ADGRL3: variants seen among roughly 807,000 people sequenced by gnomAD.
The protein encoded by ADGRL3 is calcium-independent alpha-latrotoxin receptor 3.
ADGRL3 carries 62 observed loss-of-function variants against 153.5 expected under a neutral mutation model. That is an observed-to-expected ratio of 0.40 (90% CI 0.33 to 0.50). The LOEUF is 0.50. Ranked by LOEUF, ADGRL3 falls within the 20% of genes least tolerant of loss-of-function variation. The pLI, the probability that ADGRL3 is intolerant of heterozygous loss-of-function variation, is 0.47. For missense variants in ADGRL3, 1,641 were observed against 1,859.4 expected (o/e 0.88, Z 2.16); for synonymous variants, 710 against 672.5 (o/e 1.06, Z -0.86).
intron 9 of ADGRL3, among the ~76,000 whole-genome samples, chr4:61,817,181 T>G (rs553338444): frequency 2.3e-3 from 308 of 131,890 alleles, no homozygotes; most frequent in African/African-American, 8.4e-3. Context: ...ATGAAAACCC[T>G]GGGCACCATG....
At chr4:61,379,059 A>G (rs2096637654) in intron 1 of ADGRL3, among the ~76,000 whole-genome samples, 1 of 152,026 alleles carries the variant, frequency 6.6e-6, no homozygotes, top group East Asian at 1.9e-4. Flanking sequence ...GGATTATGAT[A>G]TTGGAAATAG....
chr4:61,347,245 A>T (rs112104299), intron 1 of ADGRL3, among the ~76,000 whole-genome samples: 4,540 of 151,806 alleles, frequency 0.03, 204 homozygotes, highest in African/African-American at 0.1. Flanking sequence ...CTTTAGGAAA[A>T]TTTTTAAAAA....
chr4:61,511,326 G>A (rs574609591), intron 3 of ADGRL3, among the ~76,000 whole-genome samples: 11 of 152,238 alleles, frequency 7.2e-5, no homozygotes, highest in East Asian at 1.9e-4. Context: ...CCGAGATCAC[G>A]TGCCACTGCA....
At chr4:61,632,028 T>A (rs1437308748) in intron 5 of ADGRL3, among the ~76,000 whole-genome samples, 4 of 152,188 alleles carry the variant, frequency 2.6e-5, no homozygotes, top group African/African-American at 9.7e-5. Context: ...ATAAGAGAAC[T>A]ATCAAACAGT....
chr4:61,835,112 C>T (rs1208960972), intron 9 of ADGRL3, among the ~76,000 whole-genome samples: 1 of 151,860 alleles, frequency 6.6e-6, no homozygotes, highest in Non-Finnish European at 1.5e-5. Flanking sequence ...TTTGATAACC[C>T]CAAAACTTAA....
intron 9 of ADGRL3, among the ~76,000 whole-genome samples, chr4:61,862,900 G>T (rs941617777): frequency 1.3e-5 from 2 of 152,124 alleles, no homozygotes; most frequent in African/African-American, 4.8e-5. Context: ...GATTTTGAGG[G>T]GGTGGGGGTG....
intron 17 of ADGRL3, among the ~76,000 whole-genome samples, chr4:61,953,727 A>G (rs982618852): frequency 6.6e-6 from 1 of 152,186 alleles, no homozygotes; most frequent in African/African-American, 2.4e-5. Flanking sequence ...TTAGAGACAT[A>G]GGGGAAGATC....
chr4:61,520,965 C>T (rs762008504), intron 4 of ADGRL3, among the ~76,000 whole-genome samples: 3 of 152,064 alleles, frequency 2.0e-5, no homozygotes, highest in Admixed American at 6.6e-5. Flanking sequence ...CTTGCCTTCT[C>T]GCCTCTTAGT....
rs533771767 is a variant in ADGRL3 at position 62,077,752 on chromosome 4, T to G, written c.*6844T>G. 2 of 152,066 alleles carry G rather than the reference T, an allele frequency of 1.3e-5. No individual in the cohort carries two copies. Among genetic ancestry groups the G allele is most frequent in the South Asian group, 4.1e-4 (2 of 4,828 alleles). The allele number at this position is 152,066 out of a possible 1,614,324, so 9.4% of individuals were successfully genotyped here. ...ATGAGAAAAAAACATTTAAATTTGG[T>G]TTTCATGACTCATTTGAGAATAAAG... On this transcript the variant is annotated 3_prime_UTR_variant, in exon 27 of 27. Transcript: ENST00000683033.
intron 2 of ADGRL3, among the ~76,000 whole-genome samples, chr4:61,395,391 T>C (rs1291523922): frequency 6.6e-6 from 1 of 152,038 alleles, no homozygotes; most frequent in African/African-American, 2.4e-5. Flanking sequence ...CACATTGTGC[T>C]AATGCTAATT....
intron 25 of ADGRL3, among the ~76,000 whole-genome samples, chr4:62,060,627 A>G (rs1425084525): frequency 6.6e-6 from 1 of 151,932 alleles, no homozygotes. Flanking sequence ...TTTACAGATA[A>G]TTTGGTTTTC....
chr4:61,426,187 A>G (rs1381737799), intron 2 of ADGRL3, among the ~76,000 whole-genome samples: 2 of 152,232 alleles, frequency 1.3e-5, no homozygotes, highest in Non-Finnish European at 2.9e-5. Flanking sequence ...TTGGTGACCA[A>G]CTAGCCAATT....
chr4:61,751,988 G>A (rs1031300396), intron 8 of ADGRL3, among the ~76,000 whole-genome samples: 2 of 152,206 alleles, frequency 1.3e-5, no homozygotes, highest in African/African-American at 4.8e-5. Context: ...ATTTTAAAAA[G>A]TTATTTCCCA....
intron 1 of ADGRL3, among the ~76,000 whole-genome samples, chr4:61,378,671 AAGTGGTG>A (rs2096632900): frequency 6.6e-6 from 1 of 152,034 alleles, no homozygotes; most frequent in African/African-American, 2.4e-5. Context: ...TGGTGTCAAA[AAGTGGTG>A]TTTGTAATAC....
intron 8 of ADGRL3, among the ~76,000 whole-genome samples, chr4:61,806,315 T>G (rs577867329): frequency 9.2e-5 from 14 of 152,182 alleles, no homozygotes; most frequent in African/African-American, 3.4e-4. Flanking sequence ...TGTTAAAATA[T>G]TTTAGAAATT....
chr4:61,383,940 G>A (rs1025058531), intron 2 of ADGRL3, among the ~76,000 whole-genome samples: 1 of 151,602 alleles, frequency 6.6e-6, no homozygotes, highest in South Asian at 2.1e-4. Flanking sequence ...GTAAAGTTTA[G>A]CATGTACATT....
At chr4:62,049,641 C>G (rs750429536) in intron 25 of ADGRL3, among the ~76,000 whole-genome samples, 6 of 152,042 alleles carry the variant, frequency 3.9e-5, no homozygotes, top group Non-Finnish European at 8.8e-5. Flanking sequence ...AATTTTGGCT[C>G]GTAGCTAGTG....
At chr4:61,230,639 C>T (rs958435921) in intron 1 of ADGRL3, among the ~76,000 whole-genome samples, 6 of 152,096 alleles carry the variant, frequency 3.9e-5, no homozygotes, top group Admixed American at 3.3e-4. Flanking sequence ...CCTGTTTCGG[C>T]CTCCCAAAGT....
At position 62,077,868 on chromosome 4, in the gene ADGRL3, T is replaced by C. The variant is rs529390028; in HGVS notation, c.*6960T>C. The C allele has an allele frequency of 4.6e-5, 7 of 151,928 alleles. No individual in the cohort carries two copies. Among genetic ancestry groups the C allele is most frequent in the Admixed American group, 2.0e-4 (3 of 15,220 alleles). 9.4% of individuals were successfully genotyped at this position (151,928 alleles called of 1,614,324 possible). Reference sequence around the variant, plus strand: ...GTGTTCATTTATAAAGTATCACTGGTTTGTATATTTTAATGCTGACCTTTG... The same window carrying C: ...GTGTTCATTTATAAAGTATCACTGGCTTGTATATTTTAATGCTGACCTTTG... On this transcript the variant is annotated 3_prime_UTR_variant, in exon 27 of 27. Coordinates refer to ENST00000683033, the MANE Select transcript of ADGRL3 (RefSeq NM_001387552.1).
Sources: allele counts gnomAD v4.1 joint callset (sites outside exome capture counted in the v4.1 genomes callset), GRCh38; gene constraint gnomAD v4.1.1; transcripts MANE v1.5; gene names NCBI Gene and HGNC (gene_info 2026-07-23, HGNC 2026-07-21).